The following PRDM11 variants were observed in gnomAD, a reference collection of about 807,000 sequenced individuals.
PRDM11 encodes PR domain-containing protein 11.
PRDM11 carries 20 observed loss-of-function variants against 97.8 expected under a neutral mutation model. The observed-to-expected ratio is 0.20, with a 90% CI of 0.14 to 0.30. The LOEUF is 0.30. Ranked by LOEUF, PRDM11 falls within the 10% of genes least tolerant of loss-of-function variation. The probability of loss-of-function intolerance (pLI) is 1.00; values close to 1 mark genes in which losing one functional copy is unlikely to be tolerated. For synonymous variants in PRDM11, 599 were observed against 637.7 expected, an observed-to-expected ratio of 0.94 and a Z score of 0.91; for missense variants, 1,139 against 1,555.2, an observed-to-expected ratio of 0.73 and a Z score of 4.50.
chr11:45,205,117 A>T (rs1853461985), intron 5 of PRDM11, among the ~76,000 whole-genome samples: 1 of 152,192 alleles, frequency 6.6e-6, no homozygotes, highest in Non-Finnish European at 1.5e-5. Context: ...ACCTCAGAGC[A>T]GGCTCCTGCA....
intron 1 of PRDM11, among the ~76,000 whole-genome samples, chr11:45,117,470 G>A (rs146292351): frequency 9.2e-5 from 14 of 152,326 alleles, no homozygotes; most frequent in Middle Eastern, 3.4e-3. Flanking sequence ...GAAGCAGGTT[G>A]AGTGTGGTGC....
At chr11:45,164,959 A>G (rs1185890815) in intron 1 of PRDM11, among the ~76,000 whole-genome samples, 1 of 152,208 alleles carries the variant, frequency 6.6e-6, no homozygotes, top group Non-Finnish European at 1.5e-5. Context: ...CTCTGTGGAC[A>G]AGGTTGGAGT....
intron 4 of PRDM11, among the ~76,000 whole-genome samples, chr11:45,202,745 A>G (rs1590439649): frequency 1.0e-5 from 1 of 96,246 alleles, no homozygotes; most frequent in South Asian, 4.1e-4. Flanking sequence ...AAGCAAAAGG[A>G]GAGAGAGGCC....
At chr11:45,147,537 A>T (rs918145553) in intron 1 of PRDM11, 2 of 151,682 alleles carry the variant, frequency 1.3e-5, no homozygotes, top group Non-Finnish European at 2.9e-5. Context: ...TCTTCGGGAA[A>T]CCTCTCCGGA....
chr11:45,197,022 C>CAGTGA (rs561114068), intron 4 of PRDM11, among the ~76,000 whole-genome samples: 1,556 of 152,282 alleles, frequency 0.01, 21 homozygotes, highest in African/African-American at 0.036. Flanking sequence ...TCACAGCCAG[C>CAGTGA]TTTAGTATCC....
chr11:45,144,605 C>T (rs138785258), upstream of PRDM11, among the ~76,000 whole-genome samples: 244 of 152,240 alleles, frequency 1.6e-3, 2 homozygotes, highest in African/African-American at 5.6e-3. Flanking sequence ...TCTTTTTGCC[C>T]TCATCTCCGA....
rs1397019445 is a variant in PRDM11, at chr11:45,146,802, C to CGCCGCCTCCGCCGA, written c.-75_-62dup. The CGCCGCCTCCGCCGA allele has an allele frequency of 6.8e-5, 10 of 146,340 alleles. No individual in the cohort carries two copies. The highest frequency in any genetic ancestry group is 1.1e-4 in the Non-Finnish European group (7 of 65,750). The allele number at this position is 146,340 out of a possible 1,614,324, so 9.1% of individuals were successfully genotyped here. ...CCGCGGGGGCCGCCAGCCGAGGCCG[C>CGCCGCCTCCGCCGA]GCCGCCTCCGCCGAGCCGCCCGCCG... is the stretch of plus-strand genomic sequence containing the variant. On this transcript the variant is annotated 5_prime_UTR_variant, in exon 1 of 8. Coordinates refer to ENST00000683152, the MANE Select transcript of PRDM11 (RefSeq NM_001384648.1).
chr11:45,161,380 G>A (rs1018728407), intron 1 of PRDM11, among the ~76,000 whole-genome samples: 2 of 152,220 alleles, frequency 1.3e-5, no homozygotes, highest in Non-Finnish European at 2.9e-5. Context: ...GGAGGCTGCT[G>A]CCTGGGAATG....
At position 45,227,288 on chromosome 11, in the gene PRDM11, T is replaced by C. The variant is rs748718544; in HGVS notation, c.2663T>C (p.Ile888Thr). The C allele has an allele frequency of 5.3e-5, 81 of 1,533,848 alleles. No individual in the cohort carries two copies. The highest frequency in any genetic ancestry group is 6.6e-5 in the Non-Finnish European group (76 of 1,146,738). Reference protein sequence around the residue: ...IKLIYFLLDVIAVLSRLAYIF... With the variant: ...IKLIYFLLDVTAVLSRLAYIF... Reference sequence around the variant, plus strand: ...CTCATCTACTTCCTGCTGGACGTGATTGCTGTGCTCTCGCGTCTGGCCTAC... The same window carrying C: ...CTCATCTACTTCCTGCTGGACGTGACTGCTGTGCTCTCGCGTCTGGCCTAC... The change falls in exon 8 of 8, where the codon ATT becomes ACT. Residue 888 changes from isoleucine (I) to threonine (T), a missense_variant. Ile to Thr is a moderately conservative substitution (Grantham distance 89, BLOSUM62 -1). Around this residue, in one of 2 missense-constraint regions of PRDM11, gnomAD observed 710 missense variants for 1,044.9 expected, o/e 0.68. Transcript: ENST00000683152. The surrounding 1 kb of genome is among the most constrained non-coding windows in gnomAD (Gnocchi z 8.0).
intron 1 of PRDM11, among the ~76,000 whole-genome samples, chr11:45,101,674 C>CA: frequency 4.5e-5 from 6 of 134,496 alleles, no homozygotes; most frequent in Admixed American, 1.5e-4. Context: ...GGAGGCTGAG[C>CA]GGAGGAAGAA....
At chr11:45,118,937 G>A (rs1406515854) in intron 1 of PRDM11, among the ~76,000 whole-genome samples, 1 of 152,188 alleles carries the variant, frequency 6.6e-6, no homozygotes, top group East Asian at 1.9e-4. Context: ...GAAATAGTCC[G>A]TTTTGGGCAT....
upstream of PRDM11, among the ~76,000 whole-genome samples, chr11:45,144,978 C>G (rs889542531): frequency 6.6e-6 from 1 of 152,094 alleles, no homozygotes; most frequent in Non-Finnish European, 1.5e-5. Context: ...AATCGTGGAA[C>G]CCCTCCCCCA....
intron 4 of PRDM11, 104 bp from the exon 5 acceptor site, chr11:45,204,607 A>G: frequency 1.1e-5 from 11 of 993,988 alleles, no homozygotes; most frequent in Admixed American, 1.8e-5. Flanking sequence ...GGGGAGGGGG[A>G]GGGAGCAGGT....
intron 1 of PRDM11, among the ~76,000 whole-genome samples, chr11:45,128,598 T>C (rs987073172): frequency 1.4e-5 from 2 of 141,266 alleles, no homozygotes; most frequent in Admixed American, 7.8e-5. Flanking sequence ...AAAACACAAC[T>C]TACCATATAA....
At chr11:45,198,470 T>C (rs1286313350) in intron 4 of PRDM11, among the ~76,000 whole-genome samples, 1 of 152,262 alleles carries the variant, frequency 6.6e-6, no homozygotes, top group Non-Finnish European at 1.5e-5. Flanking sequence ...GTCATTCTTG[T>C]AACTACTTTG....
intron 1 of PRDM11, among the ~76,000 whole-genome samples, chr11:45,125,241 T>G (rs1231020889): frequency 6.6e-6 from 1 of 152,124 alleles, no homozygotes; most frequent in African/African-American, 2.4e-5. Context: ...TTCTTCTTTA[T>G]TAGTCTTGCT....
chr11:45,201,261 A>G (rs12573851), intron 4 of PRDM11, among the ~76,000 whole-genome samples: 15,030 of 152,236 alleles, frequency 0.099, 1,150 homozygotes, highest in Admixed American at 0.24. Context: ...TATATCATTT[A>G]TTGAATTGTA....
chr11:45,224,270 G>A lies in PRDM11; in HGVS notation c.796G>A (p.Asp266Asn). 1 of 1,613,466 alleles carries A rather than the reference G, an allele frequency of 6.2e-7. No individual in the cohort carries two copies. The highest frequency in any genetic ancestry group is 8.5e-7 in the Non-Finnish European group (1 of 1,179,752). Residue 266 changes from aspartate to asparagine, a missense_variant, in exon 7 of 8, where the codon GAC becomes AAC. This residue lies in a region of PRDM11 where 429 missense variants were observed against 510.3 expected (regional missense o/e 0.84). Coordinates refer to ENST00000683152, the MANE Select transcript of PRDM11 (RefSeq NM_001384648.1). ...KSEQVLDNPE[D>N]LRGPIHLSVL... ...TGAGCAGGTTCTGGATAACCCAGAA[G>A]ACCTGAGGGGTCCCATTCATCTCTC...
chr11:45,122,803 C>T (rs1852468650), intron 1 of PRDM11, among the ~76,000 whole-genome samples: 1 of 152,290 alleles, frequency 6.6e-6, no homozygotes, highest in South Asian at 2.1e-4. Flanking sequence ...AGTAAACATA[C>T]ATGTGCATGT....
Sources: gnomAD v4.1 joint callset for allele counts (sites outside exome capture counted in the v4.1 genomes callset) on GRCh38, gnomAD v4.1.1 for gene constraint, gnomAD v4.1.1 regional missense constraint, Gnocchi (gnomAD v3.1) non-coding constraint, MANE v1.5 for transcripts, NCBI Gene and HGNC (gene_info 2026-07-23, HGNC 2026-07-21) for gene names.